IKBKB-DT: variants seen among roughly 807,000 people sequenced by gnomAD.
IKBKB-DT encodes the protein IKBKB divergent transcript, also known as IKBKB antisense RNA.
At chr8:42,257,759 G>A (rs1364075490) in intron 3 of IKBKB-DT, among the ~76,000 whole-genome samples, 1 of 151,798 alleles carries the variant, frequency 6.6e-6, no homozygotes, top group Non-Finnish European at 1.5e-5. Context: ...CATAGGAGGA[G>A]ACCTTATCTC....
chr8:42,236,574 G>C (rs1806924156), intron 3 of IKBKB-DT, among the ~76,000 whole-genome samples: 1 of 152,184 alleles, frequency 6.6e-6, no homozygotes, highest in Non-Finnish European at 1.5e-5. Flanking sequence ...AGACCAGCCT[G>C]ACCAACATGG....
chr8:42,245,777 AT>A (rs1384540495), intron 3 of IKBKB-DT, among the ~76,000 whole-genome samples: 1 of 152,204 alleles, frequency 6.6e-6, no homozygotes, highest in African/African-American at 2.4e-5. Context: ...GGCAAGAACT[AT>A]TACAATATTT....
chr8:42,252,190 T>G (rs1807138245), intron 3 of IKBKB-DT, among the ~76,000 whole-genome samples: 1 of 152,076 alleles, frequency 6.6e-6, no homozygotes, highest in Non-Finnish European at 1.5e-5. Context: ...AAGATTAGGG[T>G]GGGATGGCCA....
In IKBKB-DT at chr8:42,267,079, C is replaced by G. The variant is rs1436895751; in HGVS notation, n.604-683G>C. Among the ~76,000 whole-genome samples the G allele has an allele frequency of 2.0e-5, 3 of 150,458 alleles. No individual in the cohort carries two copies. The East Asian group carries it at 5.9e-4, about 29-fold the overall frequency. ...ACACTGGCGCGATCTTGGCTCACTG[C>G]AAGATCCATCCACCTCCTGGGTTCA... On this transcript the variant is annotated intron_variant and non_coding_transcript_variant, in intron 1 of 3. Coordinates refer to ENST00000518213, the Ensembl canonical transcript of IKBKB-DT.
At chr8:42,233,818 T>C (rs1420492187) in exon 4 of IKBKB-DT, 2 of 150,458 alleles carry the variant, frequency 1.3e-5, no homozygotes, top group Non-Finnish European at 3.0e-5. Context: ...TCACAGGGAG[T>C]CGGAGCTGTC....
At chr8:42,243,095 TG>T (rs1563274936) in intron 3 of IKBKB-DT, among the ~76,000 whole-genome samples, 1 of 151,934 alleles carries the variant, frequency 6.6e-6, no homozygotes, top group Non-Finnish European at 1.5e-5. Context: ...GTGAGCAGGT[TG>T]GGGGTGGTCC....
intron 3 of IKBKB-DT, among the ~76,000 whole-genome samples, chr8:42,252,944 C>T (rs1020860298): frequency 6.6e-6 from 1 of 152,120 alleles, no homozygotes; most frequent in Non-Finnish European, 1.5e-5. Context: ...TGTTTCTTTG[C>T]CATATTTTGA....
chr8:42,256,654 T>C (rs529041405), intron 3 of IKBKB-DT, among the ~76,000 whole-genome samples: 1 of 152,288 alleles, frequency 6.6e-6, no homozygotes, highest in East Asian at 1.9e-4. Context: ...CTTGTTCTGC[T>C]TGATCTTTGG....
intron 3 of IKBKB-DT, among the ~76,000 whole-genome samples, chr8:42,235,205 CTTTTT>C (rs746414963): frequency 1.0e-5 from 1 of 99,398 alleles, no homozygotes. Context: ...CTTTTATTTT[CTTTTT>C]TTTTTTTTTT....
At chr8:42,250,714 C>T (rs1807119999) in intron 3 of IKBKB-DT, among the ~76,000 whole-genome samples, 1 of 152,080 alleles carries the variant, frequency 6.6e-6, no homozygotes, top group Non-Finnish European at 1.5e-5. Context: ...CCATCATTTT[C>T]CCACTGATAT....
intron 3 of IKBKB-DT, among the ~76,000 whole-genome samples, chr8:42,242,566 G>A (rs151307999): frequency 1.2e-3 from 189 of 152,304 alleles, no homozygotes; most frequent in African/African-American, 4.5e-3. Flanking sequence ...AGTGGGGAGT[G>A]TACTGGTCCA....
chr8:42,246,078 C>T (rs981955368), intron 3 of IKBKB-DT, among the ~76,000 whole-genome samples: 19 of 152,102 alleles, frequency 1.2e-4, no homozygotes, highest in African/African-American at 4.6e-4. Flanking sequence ...GCTCTGTCAC[C>T]CAGGCTAGAG....
At chr8:42,264,705 C>T (rs182436688) in intron 2 of IKBKB-DT, among the ~76,000 whole-genome samples, 1 of 151,974 alleles carries the variant, frequency 6.6e-6, no homozygotes, top group African/African-American at 2.4e-5. Flanking sequence ...ATTACAGGTG[C>T]CCACCATCAT....
intron 3 of IKBKB-DT, among the ~76,000 whole-genome samples, chr8:42,261,162 C>CA (rs1160295345): frequency 6.6e-6 from 1 of 152,036 alleles, no homozygotes; most frequent in East Asian, 1.9e-4. Flanking sequence ...CCCACCTCTA[C>CA]AAAAAAATAC....
At chr8:42,235,869 T>G (rs979789689) in intron 3 of IKBKB-DT, among the ~76,000 whole-genome samples, 1 of 151,858 alleles carries the variant, frequency 6.6e-6, no homozygotes, top group Non-Finnish European at 1.5e-5. Flanking sequence ...TTAGACCCCA[T>G]CTCCACTAAA....
intron 1 of IKBKB-DT, among the ~76,000 whole-genome samples, chr8:42,266,985 T>G (rs991773449): frequency 1.1e-4 from 17 of 150,174 alleles, no homozygotes; most frequent in African/African-American, 4.3e-4. Context: ...TACCTTCTTT[T>G]TTTGTTTGTT....
chr8:42,240,128 A>G (rs551019651), intron 3 of IKBKB-DT, among the ~76,000 whole-genome samples: 3 of 152,048 alleles, frequency 2.0e-5, no homozygotes, highest in African/African-American at 4.8e-5. Context: ...TACAGCCTCT[A>G]GACATAAGAA....
chr8:42,259,006 A>G (rs1394219636), intron 3 of IKBKB-DT, among the ~76,000 whole-genome samples: 1 of 152,010 alleles, frequency 6.6e-6, no homozygotes, highest in Admixed American at 6.6e-5. Flanking sequence ...ATATTTTTTC[A>G]TAGCAGTTTT....
intron 3 of IKBKB-DT, among the ~76,000 whole-genome samples, chr8:42,238,729 A>G (rs1319236963): frequency 6.6e-6 from 1 of 152,170 alleles, no homozygotes; most frequent in African/African-American, 2.4e-5. Context: ...AACTGACTCC[A>G]CCTGGACCCA....
Sources: allele counts gnomAD v4.1 joint callset (sites outside exome capture counted in the v4.1 genomes callset), GRCh38; gene constraint gnomAD v4.1.1; transcripts MANE v1.5; gene names NCBI Gene and HGNC (gene_info 2026-07-23, HGNC 2026-07-21).